Variants in ZNF226 observed in about 807,000 individuals in gnomAD.
ZNF226 encodes Kruppel-associated box protein.
A neutral mutation model predicts 11.4 loss-of-function variants in ZNF226; 6 were observed. The observed-to-expected ratio is 0.53, with a 90% CI of 0.29 to 1.04. The LOEUF (loss-of-function observed/expected upper bound fraction) is 1.04. ZNF226 is among the 50% of genes least tolerant of loss of function. The probability of loss-of-function intolerance (pLI) is 0.08; values close to 1 mark genes in which losing one functional copy is unlikely to be tolerated. For missense variants in ZNF226, 1,058 were observed against 956.5 expected (o/e 1.11, Z -1.40); for synonymous variants, 350 against 322.8 (o/e 1.08, Z -0.90).
Position 44,177,219 on chromosome 19 carries a change from G to T in ZNF226, c.1957G>T (p.Gly653Cys), listed in dbSNP as rs771124673. The change falls in exon 6 of 6, where the codon GGT becomes TGT. Residue 653 changes from glycine to cysteine, a missense_variant. Transcript: ENST00000337433. ...ATGTGAAGAATGTGGGAAGAGTTTC[G>T]GTCGGAGTGCACATCTTCAAGCCCA... ...FKCEECGKSFGRSAHLQAHQK... is the reference protein window; with the variant it reads ...FKCEECGKSFCRSAHLQAHQK... 2.5e-6 allele frequency: 4 copies of T among 1,612,590 alleles called. 1 individual carries two copies. The South Asian group carries it at 3.3e-5, about 13-fold the overall frequency.
the ZNF226 span, among the ~76,000 whole-genome samples, chr19:44,196,934 A>G: frequency 1.3e-5 from 2 of 152,100 alleles, no homozygotes; most frequent in Admixed American, 1.3e-4. Context: ...ACCCTGACTG[A>G]TATTGAACCA....
chr19:44,175,099 C>T (rs988941953), intron 5 of ZNF226: 7 of 1,595,582 alleles, frequency 4.4e-6, no homozygotes, highest in African/African-American at 4.0e-5. Context: ...TGGAAGGACT[C>T]ATATATGCAT....
chr19:44,191,424 C>T, the ZNF226 span, among the ~76,000 whole-genome samples: 1 of 152,086 alleles, frequency 6.6e-6, no homozygotes, highest in South Asian at 2.1e-4. Context: ...ATTTAATATA[C>T]ATCAATAACA....
the ZNF226 span, among the ~76,000 whole-genome samples, chr19:44,186,553 C>A: frequency 6.6e-6 from 1 of 151,980 alleles, no homozygotes; most frequent in African/African-American, 2.4e-5. Context: ...AACTTTGTAT[C>A]TTGCAACTTT....
chr19:44,190,693 G>A, the ZNF226 span, among the ~76,000 whole-genome samples: 5 of 152,090 alleles, frequency 3.3e-5, no homozygotes, highest in Non-Finnish European at 7.4e-5. Context: ...GCAGACTTCA[G>A]ACTTTGTTTG....
In ZNF226 at chr19:44,176,522, A is replaced by G. The variant is rs1970697273; in HGVS notation, c.1260A>G (p.Lys420=). 6.2e-7 allele frequency: 1 copy of G among 1,613,766 alleles called. No individual in the cohort carries two copies. The highest frequency in any genetic ancestry group is 8.5e-7 in the Non-Finnish European group (1 of 1,179,892). Residue 420 remains lysine (K), a synonymous_variant, in exon 6 of 6, where the codon AAA becomes AAG. Coordinates refer to ENST00000337433, the MANE Select transcript of ZNF226 (RefSeq NM_001032373.2). ...TTCATACAGGAGAGAAACCATACAAATGTGAGGAGTGTGGTAAGGGCTTCA... is the reference window on the plus strand; with the variant it reads ...TTCATACAGGAGAGAAACCATACAAGTGTGAGGAGTGTGGTAAGGGCTTCA... ...QRVHTGEKPY[K]CEECGKGFIC...
downstream of ZNF226, among the ~76,000 whole-genome samples, chr19:44,180,646 T>G (rs557643939): frequency 3.3e-5 from 5 of 152,318 alleles, no homozygotes; most frequent in African/African-American, 7.2e-5. Flanking sequence ...ATCTATGCTT[T>G]CTTGCTGCAG....
At chr19:44,195,701 A>G in the ZNF226 span, among the ~76,000 whole-genome samples, 1 of 152,040 alleles carries the variant, frequency 6.6e-6, no homozygotes, top group African/African-American at 2.4e-5. Flanking sequence ...CCTTTGTGCA[A>G]GGTTGTTGTG....
chr19:44,188,964 G>T, the ZNF226 span, among the ~76,000 whole-genome samples: 3 of 152,196 alleles, frequency 2.0e-5, no homozygotes, highest in Non-Finnish European at 4.4e-5. Context: ...TAACAACGGT[G>T]GTATCAGTCC....
chr19:44,192,449 A>C, the ZNF226 span, among the ~76,000 whole-genome samples: 3 of 152,168 alleles, frequency 2.0e-5, no homozygotes, highest in Non-Finnish European at 4.4e-5. Flanking sequence ...CGTTCACTTA[A>C]TCAGAGTGAA....
downstream of ZNF226, among the ~76,000 whole-genome samples, chr19:44,180,807 G>T (rs1290753566): frequency 1.3e-5 from 2 of 152,114 alleles, no homozygotes; most frequent in Non-Finnish European, 2.9e-5. Context: ...GGTAGAGCAG[G>T]ACTTAGACCT....
downstream of ZNF226, among the ~76,000 whole-genome samples, chr19:44,179,144 C>T (rs1166745902): frequency 6.6e-6 from 1 of 152,108 alleles, no homozygotes; most frequent in Non-Finnish European, 1.5e-5. Flanking sequence ...GTTGCCACTG[C>T]ACTCTAGCCT....
chr19:44,176,214 C>T lies in ZNF226; in HGVS notation c.952C>T (p.Gln318Ter), dbSNP rs751106639. Residue 318 changes from glutamine to a stop codon, truncating the protein, a stop_gained, in exon 6 of 6, where the codon CAG becomes TAG. Transcript: ENST00000337433. LOFTEE classifies it low-confidence loss of function (END_TRUNC). ...KCDECGKEFS[Q>*]GAHLQTHQKV... ...TGATGAGTGTGGTAAGGAATTCAGT[C>T]AGGGCGCTCATCTACAGACCCATCA... The T allele has an allele frequency of 9.3e-6, 15 of 1,613,982 alleles. No homozygotes were observed. The highest frequency in any genetic ancestry group is 1.3e-5 in the Non-Finnish European group (15 of 1,180,014).
downstream of ZNF226, among the ~76,000 whole-genome samples, chr19:44,182,942 G>A (rs1249861960): frequency 6.6e-6 from 1 of 152,198 alleles, no homozygotes; most frequent in Non-Finnish European, 1.5e-5. Flanking sequence ...CAACATGAGA[G>A]AGAATTGTGG....
At chr19:44,171,530 C>T (rs1196527760) in intron 3 of ZNF226, among the ~76,000 whole-genome samples, 1 of 152,130 alleles carries the variant, frequency 6.6e-6, no homozygotes, top group Non-Finnish European at 1.5e-5. Flanking sequence ...CTCACAGCAA[C>T]TATGAAGAGG....
chr19:44,196,317 A>G, the ZNF226 span, among the ~76,000 whole-genome samples: 1 of 152,252 alleles, frequency 6.6e-6, no homozygotes, highest in African/African-American at 2.4e-5. Flanking sequence ...AACCATGTCC[A>G]TTCCCAGTGG....
chr19:44,168,922 G>A (rs1969726363), intron 2 of ZNF226, among the ~76,000 whole-genome samples: 1 of 149,202 alleles, frequency 6.7e-6, no homozygotes, highest in African/African-American at 2.5e-5. Flanking sequence ...TACTATAGGA[G>A]CTTTCTTTTG....
Position 44,175,931 on chromosome 19 carries a change from T to TTTCAC in ZNF226, c.670_671insTCACT (p.Tyr224PhefsTer13), listed in dbSNP as rs765645196. ...ATAGAGTACACAAAAGTGAAAAATC[T>TTTCAC]TATAGACCCAATGATTATGAAAAAG... On this transcript the variant is annotated frameshift_variant, in exon 6 of 6. Transcript: ENST00000337433. LOFTEE classifies it low-confidence loss of function (END_TRUNC). The TTTCAC allele has an allele frequency of 3.3e-5, 54 of 1,612,842 alleles. No individual in the cohort carries two copies. Among genetic ancestry groups the TTTCAC allele is most frequent in the Non-Finnish European group, 4.5e-5 (53 of 1,179,638 alleles).
chr19:44,189,077 T>C, the ZNF226 span, among the ~76,000 whole-genome samples: 2 of 152,310 alleles, frequency 1.3e-5, no homozygotes, highest in Admixed American at 1.3e-4. Flanking sequence ...AGGGAGTGGC[T>C]CTTAGGCTAG....
Sources: gnomAD v4.1 joint callset for allele counts (sites outside exome capture counted in the v4.1 genomes callset) on GRCh38, gnomAD v4.1.1 for gene constraint, MANE v1.5 for transcripts, NCBI Gene and HGNC (gene_info 2026-07-23, HGNC 2026-07-21) for gene names.